Variants in ESRRG observed in about 807,000 individuals in gnomAD.
ESRRG encodes estrogen related receptor gamma.
A neutral mutation model predicts 44.0 loss-of-function variants in ESRRG; 13 were observed. That is an observed-to-expected ratio of 0.30 (90% confidence interval 0.19 to 0.47). The LOEUF (loss-of-function observed/expected upper bound fraction) is 0.47. Among genes scored for constraint, ESRRG ranks in the 20% least tolerant of loss-of-function variants. ESRRG has a pLI of 1.00. For missense variants in ESRRG, 395 were observed against 580.6 expected (o/e 0.68, Z 3.29); for synonymous variants, 215 against 214.6 (o/e 1.00, Z -0.02).
Position 216,506,827 on chromosome 1 carries a change from A to G in ESRRG, c.*112T>C. 8.6e-7 allele frequency: 1 copy of G among 1,167,198 alleles called. No homozygotes were observed. Among genetic ancestry groups the G allele is most frequent in the Non-Finnish European group, 1.2e-6 (1 of 817,556 alleles). 72.3% of individuals were successfully genotyped at this position (1,167,198 alleles called of 1,614,324 possible). A position where few individuals can be genotyped will look rare whatever the true frequency, so the allele number is the denominator to read the frequency against. On this transcript the variant is annotated 3_prime_UTR_variant, in exon 7 of 7. Transcript: ENST00000408911. ...AGTCTTGCTGCTAAATTATCAGTGC[A>G]GTCTGTTGATTTTTGATGTTGTTAA...
intron 3 of ESRRG, among the ~76,000 whole-genome samples, chr1:216,630,401 A>C (rs1340523573): frequency 1.3e-5 from 2 of 151,768 alleles, no homozygotes; most frequent in East Asian, 1.9e-4. Context: ...CAATTTTTAA[A>C]ATTGTTAGTA....
chr1:216,644,757 C>T (rs549964423), intron 3 of ESRRG, among the ~76,000 whole-genome samples: 1 of 152,018 alleles, frequency 6.6e-6, no homozygotes, highest in East Asian at 1.9e-4. Context: ...TTAAAGAGAT[C>T]AAATCAAGTA....
At chr1:216,730,514 A>T (rs1305494027) in intron 2 of ESRRG, among the ~76,000 whole-genome samples, 1 of 152,038 alleles carries the variant, frequency 6.6e-6, no homozygotes, top group Non-Finnish European at 1.5e-5. Flanking sequence ...ACTCTATCTG[A>T]CTGTAATCTG....
At chr1:216,708,635 C>A (rs564909637) in intron 1 of ESRRG, among the ~76,000 whole-genome samples, 1 of 152,282 alleles carries the variant, frequency 6.6e-6, no homozygotes, top group African/African-American at 2.4e-5. Flanking sequence ...ATTAGTTCAA[C>A]CACTGTGGAA....
At chr1:216,584,884 A>T (rs2063476428) in intron 3 of ESRRG, among the ~76,000 whole-genome samples, 1 of 152,212 alleles carries the variant, frequency 6.6e-6, no homozygotes, top group African/African-American at 2.4e-5. Context: ...ATCAATGTGT[A>T]ACAGAGTAGT....
intron 2 of ESRRG, among the ~76,000 whole-genome samples, chr1:216,776,353 C>A (rs1179916083): frequency 1.3e-5 from 2 of 152,110 alleles, no homozygotes; most frequent in Admixed American, 1.3e-4. Flanking sequence ...TCCTTCAGGA[C>A]TTTTCCTCGC....
chr1:216,694,747 G>A (rs974214346), intron 1 of ESRRG, among the ~76,000 whole-genome samples: 1 of 151,876 alleles, frequency 6.6e-6, no homozygotes, highest in African/African-American at 2.4e-5. Context: ...AATAGAGACA[G>A]GATTTTGCCA....
intron 2 of ESRRG, among the ~76,000 whole-genome samples, chr1:216,875,088 T>G (rs1189979413): frequency 1.3e-5 from 2 of 152,198 alleles, no homozygotes; most frequent in Admixed American, 1.3e-4. Flanking sequence ...TGGTGGGACT[T>G]CACCTTGTGA....
chr1:216,806,705 G>A (rs985687962), intron 2 of ESRRG, among the ~76,000 whole-genome samples: 1 of 152,128 alleles, frequency 6.6e-6, no homozygotes, highest in Non-Finnish European at 1.5e-5. Flanking sequence ...AAACTCGAAT[G>A]TAAGAAATAC....
chr1:217,091,995 C>T (rs1424406395), upstream of ESRRG, among the ~76,000 whole-genome samples: 1 of 152,146 alleles, frequency 6.6e-6, no homozygotes, highest in Non-Finnish European at 1.5e-5. Flanking sequence ...AAATGTCTTC[C>T]ATGCTGTTTG....
At chr1:216,780,241 T>A (rs1317908560) in intron 2 of ESRRG, among the ~76,000 whole-genome samples, 2 of 151,972 alleles carry the variant, frequency 1.3e-5, no homozygotes, top group East Asian at 1.9e-4. Context: ...GCTTAACAAA[T>A]GTAATTTAAA....
chr1:216,985,328 C>T (rs1259509031), intron 1 of ESRRG, among the ~76,000 whole-genome samples: 1 of 152,186 alleles, frequency 6.6e-6, no homozygotes, highest in African/African-American at 2.4e-5. Context: ...CACCTCCACG[C>T]ACTGGAAGAG....
At chr1:217,066,866 T>C (rs2089803411) in intron 1 of ESRRG, among the ~76,000 whole-genome samples, 1 of 152,216 alleles carries the variant, frequency 6.6e-6, no homozygotes, top group Admixed American at 6.5e-5. Flanking sequence ...GAACCACTAG[T>C]CTGAGCCATT....
chr1:217,101,958 C>T (rs1264765792), intron 1 of ESRRG, among the ~76,000 whole-genome samples: 1 of 152,090 alleles, frequency 6.6e-6, no homozygotes, highest in East Asian at 1.9e-4. Context: ...AGGCATGCGC[C>T]ACCACGCCTG....
At chr1:216,862,828 A>G (rs2096075275) in intron 2 of ESRRG, 1 of 152,146 alleles carries the variant, frequency 6.6e-6, no homozygotes, top group Admixed American at 6.6e-5. Context: ...ACGTTGATTA[A>G]GGTATTGGTT....
chr1:216,778,040 T>C (rs1251924180), intron 2 of ESRRG, among the ~76,000 whole-genome samples: 1 of 152,004 alleles, frequency 6.6e-6, no homozygotes, highest in Non-Finnish European at 1.5e-5. Flanking sequence ...CTAGGAGTCA[T>C]TTGAGTTATC....
chr1:216,539,302 T>C (rs185257598), intron 5 of ESRRG, among the ~76,000 whole-genome samples: 29 of 152,136 alleles, frequency 1.9e-4, no homozygotes, highest in Admixed American at 1.6e-3. Context: ...TTTTCATATA[T>C]ATATATATAA....
intron 1 of ESRRG, among the ~76,000 whole-genome samples, chr1:216,710,941 C>T (rs2083465515): frequency 6.6e-6 from 1 of 152,188 alleles, no homozygotes; most frequent in Non-Finnish European, 1.5e-5. Flanking sequence ...CAGAGGCATT[C>T]GCTCAATCAA....
At chr1:217,053,872 C>T (rs995246790) in intron 1 of ESRRG, among the ~76,000 whole-genome samples, 3 of 152,062 alleles carry the variant, frequency 2.0e-5, no homozygotes, top group African/African-American at 7.2e-5. Context: ...CATTTGGAAA[C>T]TCCATGGTGG....
Sources: allele counts gnomAD v4.1 joint callset (sites outside exome capture counted in the v4.1 genomes callset), GRCh38; gene constraint gnomAD v4.1.1; transcripts MANE v1.5; gene names NCBI Gene and HGNC (gene_info 2026-07-23, HGNC 2026-07-21).